The following OSBPL5 variants were observed in gnomAD, a reference collection of about 807,000 sequenced individuals.
OSBPL5 encodes oxysterol binding protein like 5.
In OSBPL5, 71 loss-of-function variants were observed where a neutral mutation model predicts 111.2. That is an observed-to-expected ratio of 0.64 (90% confidence interval 0.53 to 0.78). The LOEUF is 0.78. Ranked by LOEUF, OSBPL5 falls within the 30% of genes least tolerant of loss-of-function variation. OSBPL5 has a pLI of 0.00. For missense variants in OSBPL5, 1,210 were observed against 1,189.3 expected (o/e 1.02, Z -0.26); for synonymous variants, 549 against 513.9 (o/e 1.07, Z -0.93).
chr11:3,125,951 C>T (rs1221143656), intron 3 of OSBPL5, among the ~76,000 whole-genome samples: 2 of 152,212 alleles, frequency 1.3e-5, no homozygotes, highest in African/African-American at 2.4e-5. Context: ...CACTGCACTC[C>T]AGCCTGGGTG....
chr11:3,145,357 C>T (rs994476837), intron 1 of OSBPL5, among the ~76,000 whole-genome samples: 16 of 152,238 alleles, frequency 1.1e-4, no homozygotes, highest in African/African-American at 3.9e-4. Flanking sequence ...GTCACACTGG[C>T]AGCCCCTGCA....
rs915931602 is a variant in OSBPL5, at chr11:3,106,903, G to C, written c.1059+360C>G. ...CTCAGGTCCACACGCCCTCCTCTGCGCTCCTCCAGGAAGTGGGGCCGCCCA... is the reference window on the plus strand; with the variant it reads ...CTCAGGTCCACACGCCCTCCTCTGCCCTCCTCCAGGAAGTGGGGCCGCCCA... On this transcript the variant is annotated intron_variant, in intron 9 of 21. Coordinates refer to ENST00000263650, the MANE Select transcript of OSBPL5 (RefSeq NM_020896.4). The surrounding 1 kb of genome is among the most constrained non-coding windows in gnomAD (Gnocchi z 8.4). Among the ~76,000 whole-genome samples, 2 of 152,170 alleles carry C rather than the reference G, an allele frequency of 1.3e-5. No homozygotes were observed. Among genetic ancestry groups the C allele is most frequent in the African/African-American group, 2.4e-5 (1 of 41,432 alleles).
At position 3,137,231 on chromosome 11, in the gene OSBPL5, C is replaced by A. The variant is rs552977843; in HGVS notation, c.-21-8062G>T. 1.4e-3 allele frequency among the ~76,000 whole-genome samples: 218 copies of A among 152,338 alleles called. 1 individual carries two copies. Among genetic ancestry groups the A allele is most frequent in the African/African-American group, 4.4e-3 (185 of 41,574 alleles). ...GAGAGCAGACAGCAGCATAAGAGAC[C>A]AGGCTGCTGTGTCTGGGTGGACCGA... On this transcript the variant is annotated intron_variant, in intron 1 of 21. Coordinates refer to ENST00000263650, the MANE Select transcript of OSBPL5 (RefSeq NM_020896.4).
intron 1 of OSBPL5, among the ~76,000 whole-genome samples, chr11:3,133,768 G>C (rs1368123630): frequency 2.0e-5 from 3 of 152,248 alleles, no homozygotes; most frequent in Non-Finnish European, 4.4e-5. Context: ...ACGCTGTGGG[G>C]CTTGGGAGGA....
At chr11:3,132,067 C>T (rs547394554) in intron 1 of OSBPL5, among the ~76,000 whole-genome samples, 1 of 147,734 alleles carries the variant, frequency 6.8e-6, no homozygotes, top group Non-Finnish European at 1.5e-5. Flanking sequence ...CCACCTGCCA[C>T]CCCTCTATCC....
At position 3,087,170 on chromosome 11, in the gene OSBPL5, C is replaced by G. The variant is rs1856900363; in HGVS notation, c.*1035G>C. 6.6e-6 allele frequency: 1 copy of G among 152,564 alleles called. No individual in the cohort carries two copies. The highest frequency in any genetic ancestry group is 1.5e-5 in the Non-Finnish European group (1 of 68,134). The allele number at this position is 152,564 out of a possible 1,614,324, so 9.5% of individuals were successfully genotyped here. A position where few individuals can be genotyped will look rare whatever the true frequency, so the allele number is the denominator to read the frequency against. On this transcript the variant is annotated 3_prime_UTR_variant, in exon 22 of 22. Coordinates refer to ENST00000263650, the MANE Select transcript of OSBPL5 (RefSeq NM_020896.4). ...AAGGTGTGGAACACAGACACATCCCCAGATGGGGGAGGAGGGGAGACAAGG... is the reference window on the plus strand; with the variant it reads ...AAGGTGTGGAACACAGACACATCCCGAGATGGGGGAGGAGGGGAGACAAGG...
intron 1 of OSBPL5, among the ~76,000 whole-genome samples, chr11:3,129,699 C>T (rs11025532): frequency 0.33 from 50,368 of 152,076 alleles, 9,270 homozygotes; most frequent in Non-Finnish European, 0.4. Context: ...GTCCCAGGAG[C>T]GCCTCGCCTC....
chr11:3,107,171 TC>T lies in OSBPL5; in HGVS notation c.1059+91del. 7.0e-7 allele frequency: 1 copy of T among 1,421,226 alleles called. No homozygotes were observed. 88.0% of individuals were successfully genotyped at this position (1,421,226 alleles called of 1,614,324 possible). On this transcript the variant is annotated intron_variant, in intron 9 of 21. Coordinates refer to ENST00000263650, the MANE Select transcript of OSBPL5 (RefSeq NM_020896.4). The surrounding 1 kb of genome is among the most constrained non-coding windows in gnomAD (Gnocchi z 6.1). ...AAGCTACCCCCTGGGCCCTGCGTGC[TC>T]CCCCTAGGATGAGGCATGGCTACCT...
intron 13 of OSBPL5, 76 bp from the exon 14 acceptor site, chr11:3,100,332 G>T: frequency 7.6e-7 from 1 of 1,316,704 alleles, no homozygotes; most frequent in East Asian, 2.4e-5. Flanking sequence ...TAAGTCACAG[G>T]GTCTGAGCTC....
chr11:3,093,887 A>G, intron 15 of OSBPL5, 52 bp from the exon 16 acceptor site: 1 of 1,563,104 alleles, frequency 6.4e-7, no homozygotes, highest in Non-Finnish European at 8.7e-7. Context: ...TGGGGCCTCC[A>G]GAATCACATC....
Position 3,087,846 on chromosome 11 carries a change from C to T in OSBPL5, c.*359G>A. 1 of 179,582 alleles carries T rather than the reference C, an allele frequency of 5.6e-6. No homozygotes were observed. The highest frequency in any genetic ancestry group is 2.3e-5 in the African/African-American group (1 of 42,596). The allele number at this position is 179,582 out of a possible 1,614,324, so 11.1% of individuals were successfully genotyped here. A position where few individuals can be genotyped will look rare whatever the true frequency, so the allele number is the denominator to read the frequency against. ...TCACTGCTGCTGGGGTGTGACTGTC[C>T]AGGGCCCCCACAGGCCCTCCCACCC... On this transcript the variant is annotated 3_prime_UTR_variant, in exon 22 of 22. Coordinates refer to ENST00000263650, the MANE Select transcript of OSBPL5 (RefSeq NM_020896.4).
Position 3,092,972 on chromosome 11 carries a change from GC to G in OSBPL5, c.2026del (p.Ala676HisfsTer43), listed in dbSNP as rs1177539315. 6.2e-7 allele frequency: 1 copy of G among 1,601,740 alleles called. No individual in the cohort carries two copies. Among genetic ancestry groups the G allele is most frequent in the Non-Finnish European group, 8.5e-7 (1 of 1,175,746 alleles). On this transcript the variant is annotated frameshift_variant, in exon 18 of 22. Transcript: ENST00000263650. LOFTEE classifies it high-confidence loss of function. This position sits in a 1 kb window ranked among gnomAD's most constrained non-coding sequence, Gnocchi z 5.4. ...ATQEKFALEE[A>X]QRQRARERQE... ...CCGCTCACGGGCCCGCTGCCGCTGTGCCTCCTCCAGTGCAAACTTCTCCTGT... is the reference window on the plus strand; with the variant it reads ...CCGCTCACGGGCCCGCTGCCGCTGTGCTCCTCCAGTGCAAACTTCTCCTGT...
At position 3,090,631 on chromosome 11, in the gene OSBPL5, C is replaced by A. The variant is rs551416615; in HGVS notation, c.2325G>T (p.Thr775=). 1 of 1,612,998 alleles carries A rather than the reference C, an allele frequency of 6.2e-7. No individual in the cohort carries two copies. The highest frequency in any genetic ancestry group is 8.5e-7 in the Non-Finnish European group (1 of 1,179,964). Residue 775 remains threonine (T), a synonymous_variant, in exon 20 of 22, where the codon ACG becomes ACT. Coordinates refer to ENST00000263650, the MANE Select transcript of OSBPL5 (RefSeq NM_020896.4). The part of the protein sequence containing the change: ...SDQPSGHSQA[T]ESSGSTPESC... ...ACTCAGGCGTGGATCCGCTGCTCTC[C>A]GTGGCCTGGCTGTGGCCGGAGGGCT...
chr11:3,123,316 T>C (rs1213076076), intron 3 of OSBPL5, among the ~76,000 whole-genome samples: 1 of 152,188 alleles, frequency 6.6e-6, no homozygotes, highest in Non-Finnish European at 1.5e-5. Flanking sequence ...TTCCGCGTGG[T>C]CTGCAAGCTA....
At position 3,122,141 on chromosome 11, in the gene OSBPL5, G is replaced by A. The variant is rs576001431; in HGVS notation, c.301-43C>T. On this transcript the variant is annotated intron_variant, in intron 4 of 21. Coordinates refer to ENST00000263650, the MANE Select transcript of OSBPL5 (RefSeq NM_020896.4). ...GCGGTGGGTCATGGGAGAAGGCACC[G>A]AGCTGCCCCAGCTCCTCCCACCGTC... 2.2e-5 allele frequency: 34 copies of A among 1,520,284 alleles called. No homozygotes were observed. The Admixed American group carries it at 3.3e-4, about 15-fold the overall frequency. 94.2% of individuals were successfully genotyped at this position (1,520,284 alleles called of 1,614,324 possible). A position where few individuals can be genotyped will look rare whatever the true frequency, so the allele number is the denominator to read the frequency against.
In OSBPL5 at chr11:3,092,434, C is replaced by A; in HGVS notation, c.2257G>T (p.Glu753Ter). Residue 753 changes from glutamate to a stop codon, truncating the protein, a stop_gained and splice_region_variant, in exon 19 of 22, where the codon GAG becomes TAG. Transcript: ENST00000263650. LOFTEE classifies it high-confidence loss of function. The surrounding 1 kb of genome is among the most constrained non-coding windows in gnomAD (Gnocchi z 5.4). ...TFLGSPGPRH[E>*]RSGPDQRLRK... The stretch of plus-strand genomic sequence containing the variant: ...GGTGGGGCCTGTGGGGTGCTGACCT[C>A]GTGCCTGGGCCCTGGGCTGCCCAGG... 6.3e-7 allele frequency: 1 copy of A among 1,578,646 alleles called. No individual in the cohort carries two copies. Among genetic ancestry groups the A allele is most frequent in the Non-Finnish European group, 8.6e-7 (1 of 1,161,600 alleles).
intron 14 of OSBPL5, among the ~76,000 whole-genome samples, chr11:3,095,310 CAA>C (rs60973769): frequency 0.49 from 51,072 of 105,038 alleles, 9,488 homozygotes; most frequent in Non-Finnish European, 0.52. Context: ...GACTCTGTCT[CAA>C]AAAAAAAAAA....
chr11:3,134,627 G>A (rs1350031734), intron 1 of OSBPL5, among the ~76,000 whole-genome samples: 6 of 152,232 alleles, frequency 3.9e-5, no homozygotes, highest in Non-Finnish European at 8.8e-5. Flanking sequence ...AGGGAGGGAG[G>A]CACCAAAAGG....
At position 3,107,798 on chromosome 11, in the gene OSBPL5, G is replaced by A; in HGVS notation, c.839C>T (p.Thr280Ile). The change falls in exon 8 of 22, where the codon ACC becomes ATC. Residue 280 changes from threonine (T) to isoleucine (I), a missense_variant. Thr to Ile is a moderately conservative substitution (Grantham distance 89). Transcript: ENST00000263650. The surrounding 1 kb of genome is among the most constrained non-coding windows in gnomAD (Gnocchi z 6.1). Reference sequence around the variant, plus strand: ...GAACAGGTCTTGGTCTGGGTGGACGGTGGCTGAGGCTGGCAGCCCACAGAG... The same window carrying A: ...GAACAGGTCTTGGTCTGGGTGGACGATGGCTGAGGCTGGCAGCCCACAGAG... ...SSLCGLPASATVHPDQDLFPL... is the reference protein window; with the variant it reads ...SSLCGLPASAIVHPDQDLFPL... 1 of 1,612,608 alleles carries A rather than the reference G, an allele frequency of 6.2e-7. No homozygotes were observed. Among genetic ancestry groups the A allele is most frequent in the Non-Finnish European group, 8.5e-7 (1 of 1,179,964 alleles).
Sources: allele counts gnomAD v4.1 joint callset (sites outside exome capture counted in the v4.1 genomes callset), GRCh38; gene constraint gnomAD v4.1.1; non-coding constraint Gnocchi (gnomAD v3.1); transcripts MANE v1.5; gene names NCBI Gene and HGNC (gene_info 2026-07-23, HGNC 2026-07-21).